PANK4: variants seen among roughly 807,000 people sequenced by gnomAD.
PANK4 encodes the protein pantothenate kinase 4 (inactive).
In PANK4, 40 loss-of-function variants were observed where a neutral mutation model predicts 87.9. The observed-to-expected ratio is 0.46, with a 90% CI of 0.35 to 0.59. PANK4 has a LOEUF of 0.59. Among genes scored for constraint, PANK4 ranks in the 20% least tolerant of loss-of-function variants. PANK4 has a pLI of 0.00. For synonymous variants in PANK4, 524 were observed against 467.4 expected, an observed-to-expected ratio of 1.12 and a Z score of -1.56; for missense variants, 926 against 1,072.3, an observed-to-expected ratio of 0.86 and a Z score of 1.90.
chr1:2,510,659 C>A lies in PANK4; in HGVS notation c.1938+19G>T. 1 of 1,445,404 alleles carries A rather than the reference C, an allele frequency of 6.9e-7. No homozygotes were observed. Among genetic ancestry groups the A allele is most frequent in the Non-Finnish European group, 9.7e-7 (1 of 1,028,118 alleles). The allele number at this position is 1,445,404 out of a possible 1,614,324, so 89.5% of individuals were successfully genotyped here. On this transcript the variant is annotated intron_variant, in intron 16 of 18. Transcript: ENST00000378466. The surrounding 1 kb of genome is among the most constrained non-coding windows in gnomAD (Gnocchi z 4.9). The stretch of plus-strand genomic sequence containing the variant: ...GAGAAGCCCAGGGGAAGGGCCCCAC[C>A]CACCACCTCAACACTCACCTCTGTC...
chr1:2,526,286 C>G (rs1553124392), intron 1 of PANK4, 178 bp downstream of exon 1: 2 of 192,022 alleles, frequency 1.0e-5, no homozygotes, highest in Non-Finnish European at 1.9e-5. Context: ...CATCAGCGAC[C>G]CTGCGGACTA....
At chr1:2,511,482 T>C in intron 14 of PANK4, 95 bp from the exon 15 acceptor site, 1 of 1,153,196 alleles carries the variant, frequency 8.7e-7, no homozygotes, top group Non-Finnish European at 1.3e-6. Context: ...AGGAAGCAAG[T>C]TCTCCCCGCC....
intron 13 of PANK4, among the ~76,000 whole-genome samples, chr1:2,512,008 G>C (rs1643670226): frequency 6.6e-6 from 1 of 152,230 alleles, no homozygotes; most frequent in African/African-American, 2.4e-5. Flanking sequence ...AGAAGGCTCA[G>C]GGGGCCACCA....
Position 2,518,209 on chromosome 1 carries a change from A to G in PANK4, c.1173T>C (p.Ser391=), listed in dbSNP as rs148017221. 4.3e-6 allele frequency: 7 copies of G among 1,611,402 alleles called. No homozygotes were observed. The South Asian group carries it at 4.4e-5, about 10-fold the overall frequency. ...ENYAGSSGLM[S]ASPELGPAQR... is the part of the protein sequence containing the mutation. ...GCGCCGGGCCGAGCTCGGGTGATGC[A>G]CTCATCAGCCCGGAGCTGCCTGCAT... The change falls in exon 9 of 19, where the codon AGT becomes AGC. Residue 391 remains serine, a synonymous_variant. Transcript: ENST00000378466.
At chr1:2,516,320 A>G (rs1643775535) in intron 9 of PANK4, among the ~76,000 whole-genome samples, 1 of 152,148 alleles carries the variant, frequency 6.6e-6, no homozygotes, top group Non-Finnish European at 1.5e-5. Flanking sequence ...GGACTATGGC[A>G]GGGCCAGGCC....
Position 2,520,310 on chromosome 1 carries a change from G to A in PANK4, c.699+12C>T. 1 of 1,610,620 alleles carries A rather than the reference G, an allele frequency of 6.2e-7. No individual in the cohort carries two copies. Among genetic ancestry groups the A allele is most frequent in the South Asian group, 1.1e-5 (1 of 91,046 alleles). Reference sequence around the variant, plus strand: ...GCAGACCCCTGGAAGGTCTCTGGCAGCTGCCGCATACCTTCGTTTTGGTGA... The same window carrying A: ...GCAGACCCCTGGAAGGTCTCTGGCAACTGCCGCATACCTTCGTTTTGGTGA... On this transcript the variant is annotated intron_variant, in intron 5 of 18. Transcript: ENST00000378466. The surrounding 1 kb of genome is among the most constrained non-coding windows in gnomAD (Gnocchi z 6.2).
intron 10 of PANK4, 80 bp from the exon 11 acceptor site, chr1:2,514,546 G>C (rs1054583708): frequency 1.0e-6 from 1 of 977,514 alleles, no homozygotes; most frequent in African/African-American, 1.6e-5. Flanking sequence ...AGGGGGCTCG[G>C]GGAAGGGTGG....
rs1189628446 is a variant in PANK4 at position 2,509,966 on chromosome 1, T to G, written c.2040-36A>C. ...CAAGGTGGTCAGTGCCCCCAGGAGC[T>G]CCCAGTTCAGTGACAATCCCCATGG... On this transcript the variant is annotated intron_variant, in intron 17 of 18. Coordinates refer to ENST00000378466, the MANE Select transcript of PANK4 (RefSeq NM_018216.4). This position sits in a 1 kb window ranked among gnomAD's most constrained non-coding sequence, Gnocchi z 4.9. The G allele has an allele frequency of 6.3e-7, 1 of 1,598,948 alleles. No homozygotes were observed. The highest frequency in any genetic ancestry group is 1.7e-5 in the Admixed American group (1 of 57,972).
In PANK4 at chr1:2,521,230, T is replaced by C; in HGVS notation, c.293A>G (p.Asn98Ser). 2 of 1,613,924 alleles carry C rather than the reference T, an allele frequency of 1.2e-6. No homozygotes were observed. Among genetic ancestry groups the C allele is most frequent in the Non-Finnish European group, 1.7e-6 (2 of 1,179,942 alleles). ...TARLHFIKFE[N>S]TYIEACLDFI... ...GTCCAGGCAGGCTTCGATGTAGGTA[T>C]TCTCAAACTTAATGAAGTGCAGTCG... The change falls in exon 3 of 19, where the codon AAT becomes AGT. Residue 98 changes from asparagine (N) to serine (S), a missense_variant. Transcript: ENST00000378466.
intron 12 of PANK4, 82 bp downstream of exon 12, chr1:2,513,920 G>A: frequency 9.5e-7 from 1 of 1,050,658 alleles, no homozygotes; most frequent in Non-Finnish European, 1.5e-6. Flanking sequence ...GATGCCCCGA[G>A]CCAGCGGGAC....
chr1:2,515,322 CAGCTGCCCTT>C lies in PANK4; in HGVS notation c.1374+230_1374+239del. ...GGAATGTGCTAGCTAGCAGAACTAT[CAGCTGCCCTT>C]AGAAGCAACGTGCCTCGCAGACGCC... On this transcript the variant is annotated intron_variant, in intron 10 of 18. Transcript: ENST00000378466. The surrounding 1 kb of genome is among the most constrained non-coding windows in gnomAD (Gnocchi z 5.0). 1 of 693,130 alleles carries C rather than the reference CAGCTGCCCTT, an allele frequency of 1.4e-6. No individual in the cohort carries two copies. Among genetic ancestry groups the C allele is most frequent in the South Asian group, 1.5e-5 (1 of 66,692 alleles). 42.9% of individuals were successfully genotyped at this position (693,130 alleles called of 1,614,324 possible).
chr1:2,522,987 G>T (rs535330649), intron 1 of PANK4, among the ~76,000 whole-genome samples: 1 of 151,784 alleles, frequency 6.6e-6, no homozygotes, highest in East Asian at 1.9e-4. Context: ...ACTGGATGGT[G>T]CTATAGTGAC....
At chr1:2,512,054 G>C (rs947978328) in intron 13 of PANK4, among the ~76,000 whole-genome samples, 1 of 152,220 alleles carries the variant, frequency 6.6e-6, no homozygotes, top group Non-Finnish European at 1.5e-5. Flanking sequence ...TGTTTCTCAA[G>C]GTGGACTCGG....
chr1:2,517,339 G>A (rs561888391), intron 9 of PANK4, among the ~76,000 whole-genome samples: 9 of 152,338 alleles, frequency 5.9e-5, no homozygotes, highest in African/African-American at 1.9e-4. Context: ...TCAACAAGTC[G>A]CGGTCTTGAA....
chr1:2,514,580 G>GGGGGCTGGCCGTTGGGGGCTGCCCA (rs1643728117), intron 10 of PANK4, 114 bp from the exon 11 acceptor site: 1 of 598,462 alleles, frequency 1.7e-6, no homozygotes, highest in African/African-American at 3.1e-5. Flanking sequence ...GGGACTGTCT[G>GGGGGCTGGCCGTTGGGGGCTGCCCA]GGGCAGGGTG....
intron 1 of PANK4, 57 bp downstream of exon 1, chr1:2,526,407 A>C (rs1026779704): frequency 4.5e-5 from 27 of 599,286 alleles, no homozygotes; most frequent in Non-Finnish European, 5.3e-5. Flanking sequence ...TCGCCGGCCC[A>C]CCGCCGGCGC....
rs1388954448 is a variant in PANK4 at position 2,509,035 on chromosome 1, G to A, written c.2134C>T (p.Leu712=). ...LSRLDKGLAA[L]VRERGADLVV... ...AGATCCGCGCCACGCTCCCGCACCAGTGCGGCCAGCCCCTTATCCAGGCGG... is the reference window on the plus strand; with the variant it reads ...AGATCCGCGCCACGCTCCCGCACCAATGCGGCCAGCCCCTTATCCAGGCGG... Residue 712 remains leucine, a synonymous_variant, in exon 19 of 19, where the codon CTG becomes TTG. Transcript: ENST00000378466. The surrounding 1 kb of genome is among the most constrained non-coding windows in gnomAD (Gnocchi z 4.9). 3 of 1,601,224 alleles carry A rather than the reference G, an allele frequency of 1.9e-6. No individual in the cohort carries two copies. The highest frequency in any genetic ancestry group is 2.5e-6 in the Non-Finnish European group (3 of 1,179,278).
chr1:2,510,616 C>A lies in PANK4; in HGVS notation c.1938+62G>T. ...CCACCGCCAGAGGCCCACAGCGGCG[C>A]CAACCCCACCGAGAGCAGAGAAGCC... On this transcript the variant is annotated intron_variant, in intron 16 of 18. Transcript: ENST00000378466. This position sits in a 1 kb window ranked among gnomAD's most constrained non-coding sequence, Gnocchi z 4.9. The A allele has an allele frequency of 2.0e-6, 2 of 1,020,404 alleles. No individual in the cohort carries two copies. Among genetic ancestry groups the A allele is most frequent in the Non-Finnish European group, 3.1e-6 (2 of 654,592 alleles). 63.2% of individuals were successfully genotyped at this position (1,020,404 alleles called of 1,614,324 possible).
rs1259390981 is a variant in PANK4, at chr1:2,519,431, A to C, written c.854-107T>G. 1 of 76,842 alleles carries C rather than the reference A, an allele frequency of 1.3e-5. No homozygotes were observed. The highest frequency in any genetic ancestry group is 2.3e-4 in the South Asian group (1 of 4,352). 4.8% of individuals were successfully genotyped at this position (76,842 alleles called of 1,614,324 possible). A position where few individuals can be genotyped will look rare whatever the true frequency, so the allele number is the denominator to read the frequency against. ...GAGAGCTGAGTGGGAGGGGAGGGGG[A>C]GAGAGAGCTGAGTGGGAGGGGAGGG... On this transcript the variant is annotated intron_variant, in intron 6 of 18. Transcript: ENST00000378466. This position sits in a 1 kb window ranked among gnomAD's most constrained non-coding sequence, Gnocchi z 8.3.
Sources: allele counts gnomAD v4.1 joint callset (sites outside exome capture counted in the v4.1 genomes callset), GRCh38; gene constraint gnomAD v4.1.1; non-coding constraint Gnocchi (gnomAD v3.1); transcripts MANE v1.5; gene names NCBI Gene and HGNC (gene_info 2026-07-23, HGNC 2026-07-21).